STON2: variants seen among roughly 807,000 people sequenced by gnomAD.
STON2 encodes the protein stonin 2, also known as stonin-2.
STON2 carries 29 observed loss-of-function variants against 65.7 expected under a neutral mutation model. The observed-to-expected ratio is 0.44, with a 90% CI of 0.33 to 0.60. The LOEUF is 0.60. Among genes scored for constraint, STON2 ranks in the 20% least tolerant of loss-of-function variants. The pLI is 0.03. For synonymous variants in STON2, 404 were observed against 414.2 expected (o/e 0.98, Z 0.30); for missense variants, 1,054 against 1,118.1 (o/e 0.94, Z 0.82).
chr14:81,428,295 AT>A (rs3842321), intron 1 of STON2, among the ~76,000 whole-genome samples: 12,847 of 152,272 alleles, frequency 0.084, 923 homozygotes, highest in African/African-American at 0.18. Context: ...AACACAAAGT[AT>A]TATTTTTGAC....
chr14:81,310,873 A>G (rs1896396521), intron 5 of STON2, among the ~76,000 whole-genome samples: 3 of 152,136 alleles, frequency 2.0e-5, no homozygotes, highest in Admixed American at 2.0e-4. Flanking sequence ...TTGACTTTTC[A>G]TAGGTGTTTT....
chr14:81,340,294 G>A (rs1466696018), intron 4 of STON2, among the ~76,000 whole-genome samples: 2 of 152,172 alleles, frequency 1.3e-5, no homozygotes, highest in African/African-American at 2.4e-5. Context: ...CTTAGGGGTG[G>A]GGTGGGGGAC....
At chr14:81,414,830 T>C (rs1169218125) in intron 2 of STON2, among the ~76,000 whole-genome samples, 1 of 152,138 alleles carries the variant, frequency 6.6e-6, no homozygotes, top group East Asian at 1.9e-4. Flanking sequence ...ATAATGTAAA[T>C]TATTGAGATA....
At chr14:81,408,813 C>T (rs1420129385) in intron 2 of STON2, among the ~76,000 whole-genome samples, 1 of 152,220 alleles carries the variant, frequency 6.6e-6, no homozygotes, top group Non-Finnish European at 1.5e-5. Flanking sequence ...GTGACCTTGA[C>T]TGACATCCCC....
chr14:81,276,919 G>C lies in STON2; in HGVS notation c.2563C>G (p.Leu855Val). ...FNSIVWRINR[L>V]PDKNSASGHP... ...CACCCACCTGAGTTTTTGTCCGGCA[G>C]TCGGTTTATCCTCCACACAATGGAG... The change falls in exon 6 of 8, where the codon CTG becomes GTG. Residue 855 changes from leucine to valine, a missense_variant. Transcript: ENST00000614646. 1 of 1,608,024 alleles carries C rather than the reference G, an allele frequency of 6.2e-7. No homozygotes were observed. The highest frequency in any genetic ancestry group is 2.2e-5 in the East Asian group (1 of 44,704).
intron 2 of STON2, among the ~76,000 whole-genome samples, chr14:81,396,966 G>A (rs1204722741): frequency 3.3e-5 from 5 of 152,176 alleles, no homozygotes; most frequent in African/African-American, 9.7e-5. Flanking sequence ...GCTGAGGCAG[G>A]AGAATCGCTT....
intron 5 of STON2, among the ~76,000 whole-genome samples, chr14:81,301,427 A>G (rs566242249): frequency 6.7e-6 from 1 of 149,212 alleles, no homozygotes; most frequent in Admixed American, 6.6e-5. Flanking sequence ...CAGGCAAATA[A>G]ACCAACAACC....
At chr14:81,276,796 C>T in intron 6 of STON2, 105 bp downstream of exon 6, 6 of 1,360,688 alleles carry the variant, frequency 4.4e-6, no homozygotes, top group Admixed American at 2.2e-5. Flanking sequence ...CATCACCACT[C>T]CCATCACACA....
At position 81,266,914 on chromosome 14, in the gene STON2, C is replaced by A. The variant is rs140273808; in HGVS notation, c.*1500G>T. 12 of 982,712 alleles carry A rather than the reference C, an allele frequency of 1.2e-5. No homozygotes were observed. Among genetic ancestry groups the A allele is most frequent in the African/African-American group, 1.7e-5 (1 of 57,308 alleles). The allele number at this position is 982,712 out of a possible 1,614,324, so 60.9% of individuals were successfully genotyped here. A position where few individuals can be genotyped will look rare whatever the true frequency, so the allele number is the denominator to read the frequency against. ...AGAATATAGGGTTTCTCATTAATGC[C>A]TATTCAATCATCATTTTACTTTCAG... On this transcript the variant is annotated 3_prime_UTR_variant, in exon 8 of 8. Coordinates refer to ENST00000614646, the MANE Select transcript of STON2 (RefSeq NM_001394390.1).
chr14:81,396,479 G>T lies in STON2; in HGVS notation c.89-301C>A, dbSNP rs201378263. On this transcript the variant is annotated intron_variant, in intron 2 of 7. Transcript: ENST00000614646. ...GTGCTTGGGGGTCACAAAGGAAAGT[G>T]CTTACAGAGGTCAAGTAGGAAATAT... Among the ~76,000 whole-genome samples, 3 of 152,368 alleles carry T rather than the reference G, an allele frequency of 2.0e-5. No homozygotes were observed. In the East Asian group the frequency reaches 5.8e-4, roughly 29 times the overall value.
intron 5 of STON2, among the ~76,000 whole-genome samples, chr14:81,285,403 G>A (rs1895293321): frequency 6.6e-6 from 1 of 152,188 alleles, no homozygotes; most frequent in Non-Finnish European, 1.5e-5. Context: ...TGCAGATGTG[G>A]TAGAAACAGT....
At chr14:81,395,636 A>G (rs1458449860) in intron 3 of STON2, 4 of 457,848 alleles carry the variant, frequency 8.7e-6, no homozygotes, top group Non-Finnish European at 1.6e-5. Context: ...GCATTATTTT[A>G]AAGACAAGTC....
chr14:81,372,244 C>A (rs1299953530), intron 3 of STON2, among the ~76,000 whole-genome samples: 1 of 152,186 alleles, frequency 6.6e-6, no homozygotes, highest in African/African-American at 2.4e-5. Context: ...GCTGCCTCCA[C>A]GGTGCTGCAT....
At chr14:81,366,554 T>C (rs150132926) in intron 4 of STON2, among the ~76,000 whole-genome samples, 97 of 151,712 alleles carry the variant, frequency 6.4e-4, no homozygotes, top group African/African-American at 2.3e-3. Context: ...CCCTCTGCAA[T>C]GCTAAAGGGC....
intron 4 of STON2, among the ~76,000 whole-genome samples, chr14:81,332,045 G>A (rs372796879): frequency 1.1e-4 from 16 of 152,172 alleles, no homozygotes; most frequent in African/African-American, 3.6e-4. Flanking sequence ...AACCCCCTTA[G>A]AATAGGCACT....
chr14:81,418,140 G>C (rs1740396393), intron 2 of STON2: 1 of 152,912 alleles, frequency 6.5e-6, no homozygotes, highest in South Asian at 2.1e-4. Flanking sequence ...ATTTACAAAA[G>C]AAAAAGGTTT....
In STON2 at chr14:81,265,756, T is replaced by TA. The variant is rs61420841; in HGVS notation, c.*2657dup. 140 of 979,830 alleles carry TA rather than the reference T, an allele frequency of 1.4e-4. No individual in the cohort carries two copies. The highest frequency in any genetic ancestry group is 1.5e-4 in the Non-Finnish European group (128 of 825,876). The allele number at this position is 979,830 out of a possible 1,614,324, so 60.7% of individuals were successfully genotyped here. ...AGAAGGGATTTTTCCCAACTCTTGG[T>TA]AAAAAAAACAAAAAAGTCCAGGTGC... On this transcript the variant is annotated 3_prime_UTR_variant, in exon 8 of 8. Transcript: ENST00000614646.
chr14:81,381,802 C>A (rs968185885), intron 3 of STON2, among the ~76,000 whole-genome samples: 2 of 152,138 alleles, frequency 1.3e-5, no homozygotes, highest in Admixed American at 6.5e-5. Flanking sequence ...TCCTAAAGCA[C>A]AGCAATTCCC....
chr14:81,301,722 T>G (rs1363317365), intron 5 of STON2, among the ~76,000 whole-genome samples: 1 of 152,144 alleles, frequency 6.6e-6, no homozygotes, highest in Non-Finnish European at 1.5e-5. Context: ...ACTCAAAAAC[T>G]TGAAGGGTTG....
Sources: gnomAD v4.1 joint callset for allele counts (sites outside exome capture counted in the v4.1 genomes callset) on GRCh38, gnomAD v4.1.1 for gene constraint, MANE v1.5 for transcripts, NCBI Gene and HGNC (gene_info 2026-07-23, HGNC 2026-07-21) for gene names.